The following NOMO1 variants were observed in gnomAD, a reference collection of about 807,000 sequenced individuals.
NOMO1 encodes the protein NODAL modulator 1.
A neutral mutation model predicts 133.8 loss-of-function variants in NOMO1; 40 were observed. The ratio of observed to expected loss-of-function variants is 0.30; its 90% CI spans 0.23 to 0.39. The LOEUF is 0.39. Among genes scored for constraint, NOMO1 ranks in the 10% least tolerant of loss-of-function variants. The pLI, the probability that NOMO1 is intolerant of heterozygous loss-of-function variation, is 1.00. For missense variants in NOMO1, 462 were observed against 1,419.9 expected (o/e 0.33, Z 10.84); for synonymous variants, 236 against 570.5 (o/e 0.41, Z 8.36).
intron 9 of NOMO1, 134 bp from the exon 10 acceptor site, chr16:14,857,083 C>A: frequency 4.8e-6 from 5 of 1,040,754 alleles, no homozygotes; most frequent in Non-Finnish European, 7.4e-6. Flanking sequence ...GCACACAGGA[C>A]CGGGGCACTG....
chr16:14,875,051 T>C lies in NOMO1; in HGVS notation c.2070T>C (p.Ser690=). The change falls in exon 19 of 31, where the codon AGT becomes AGC. Residue 690 remains serine (S), a synonymous_variant. Coordinates refer to ENST00000287667, the MANE Select transcript of NOMO1 (RefSeq NM_014287.4). ...TTTCTTCTAGGTCTTCCATCGACAG[T>C]GAACCCGCCTTGGTCTTAGGCCCTC... The part of the protein sequence containing the change: ...VTVTIKSSID[S]EPALVLGPLK... 1 of 1,613,792 alleles carries C rather than the reference T, an allele frequency of 6.2e-7. No individual in the cohort carries two copies. The highest frequency in any genetic ancestry group is 8.5e-7 in the Non-Finnish European group (1 of 1,179,846).
chr16:14,879,964 T>A, intron 23 of NOMO1, 51 bp from the exon 24 acceptor site: 1 of 1,611,464 alleles, frequency 6.2e-7, no homozygotes, highest in Non-Finnish European at 8.5e-7. Flanking sequence ...CCCTCACTTT[T>A]AAGCCATGCC....
chr16:14,850,090 G>C (rs1404609514), intron 6 of NOMO1, among the ~76,000 whole-genome samples: 1 of 148,494 alleles, frequency 6.7e-6, no homozygotes, highest in Non-Finnish European at 1.5e-5. Context: ...TTTTTTTTGA[G>C]ATGAAGTCTT....
At chr16:14,885,158 A>T in intron 27 of NOMO1, among the ~76,000 whole-genome samples, 1 of 152,104 alleles carries the variant, frequency 6.6e-6, no homozygotes, top group East Asian at 1.9e-4. Flanking sequence ...CAAAGATCCG[A>T]TCATCTCCCA....
intron 9 of NOMO1, among the ~76,000 whole-genome samples, chr16:14,855,940 C>T (rs1189988410): frequency 6.6e-6 from 1 of 151,972 alleles, no homozygotes; most frequent in Non-Finnish European, 1.5e-5. Context: ...GAAGGACTAC[C>T]TGTCATGTGA....
intron 29 of NOMO1, among the ~76,000 whole-genome samples, chr16:14,891,181 A>G (rs1597118149): frequency 6.6e-6 from 1 of 151,876 alleles, no homozygotes; most frequent in South Asian, 2.1e-4. Context: ...CAATTTTTGC[A>G]GGCTTATAGA....
At chr16:14,860,415 T>G (rs1307335101) in intron 11 of NOMO1, among the ~76,000 whole-genome samples, 1 of 149,344 alleles carries the variant, frequency 6.7e-6, no homozygotes, top group Non-Finnish European at 1.5e-5. Context: ...GTGATAGGGA[T>G]CATGGTACTT....
intron 28 of NOMO1, among the ~76,000 whole-genome samples, chr16:14,887,450 C>T (rs1316549728): frequency 1.3e-5 from 2 of 151,924 alleles, no homozygotes; most frequent in Non-Finnish European, 2.9e-5. Context: ...TGTGCCACCA[C>T]ACCCGGCTAA....
intron 7 of NOMO1, chr16:14,853,056 T>C (rs1963783463): frequency 1.1e-5 from 2 of 187,498 alleles, no homozygotes; most frequent in Admixed American, 6.0e-5. Flanking sequence ...CACAAGACAT[T>C]GCACATCTAC....
At chr16:14,882,749 T>G in intron 26 of NOMO1, 72 bp downstream of exon 26, 10 of 1,610,404 alleles carry the variant, frequency 6.2e-6, no homozygotes, top group Non-Finnish European at 8.5e-6. Context: ...CCGTCTCCTC[T>G]GGCTGTCTGC....
At chr16:14,884,520 C>T (rs1218616276) in intron 27 of NOMO1, 38 bp downstream of exon 27, 1 of 1,611,176 alleles carries the variant, frequency 6.2e-7, no homozygotes, top group South Asian at 1.1e-5. Flanking sequence ...ATTGTGTTCC[C>T]TTTGGCTTTG....
intron 14 of NOMO1, 29 bp from the exon 15 acceptor site, chr16:14,866,526 G>C: frequency 6.2e-7 from 1 of 1,610,280 alleles, no homozygotes; most frequent in Non-Finnish European, 8.5e-7. Flanking sequence ...CCACGCCCAT[G>C]TATCCGTTTT....
chr16:14,886,176 C>T (rs1340013582), intron 27 of NOMO1, among the ~76,000 whole-genome samples: 7 of 151,822 alleles, frequency 4.6e-5, no homozygotes, highest in Admixed American at 3.3e-4. Context: ...ACTCCAGTGC[C>T]TCCTGAAGCA....
rs1963966642 is a variant in NOMO1, at chr16:14,864,684, G to A, written c.1495G>A (p.Val499Ile). The A allele has an allele frequency of 6.2e-7, 1 of 1,613,190 alleles. No individual in the cohort carries two copies. The highest frequency in any genetic ancestry group is 8.5e-7 in the Non-Finnish European group (1 of 1,179,728). ...TNRPMMDVAFVQFLASVSGKV... is the reference protein window; with the variant it reads ...TNRPMMDVAFIQFLASVSGKV... The stretch of plus-strand genomic sequence containing the variant: ...CAGGCCCATGATGGATGTGGCCTTT[G>A]TACAGTTCTTGGCATCAGTTTCTGG... The change falls in exon 13 of 31, where the codon GTA becomes ATA. Residue 499 changes from valine (V) to isoleucine (I), a missense_variant. Val to Ile is a conservative substitution (Grantham distance 29, BLOSUM62 3). Transcript: ENST00000287667.
rs1964492659 is a variant in NOMO1, at chr16:14,895,902, TTTA to T, written c.*266_*268del. The stretch of plus-strand genomic sequence containing the variant: ...AATTTATTTTCTGAGTCAAATATAA[TTTA>T]TTATTATTTTTGTCAAAGAAGTATT... On this transcript the variant is annotated 3_prime_UTR_variant, in exon 31 of 31. Coordinates refer to ENST00000287667, the MANE Select transcript of NOMO1 (RefSeq NM_014287.4). 1.3e-5 allele frequency: 21 copies of T among 1,575,154 alleles called. No individual in the cohort carries two copies. The highest frequency in any genetic ancestry group is 6.9e-5 in the East Asian group (3 of 43,480).
At position 14,838,297 on chromosome 16, in the gene NOMO1, A is replaced by G. The variant is rs896012636; in HGVS notation, c.166-110A>G. On this transcript the variant is annotated intron_variant, in intron 1 of 30. Transcript: ENST00000287667. The stretch of plus-strand genomic sequence containing the variant: ...AATGCCCCGTGTTAAAAGCTGGCAT[A>G]TAATAGGTCCTCAGTGAATGTATAC... 203 of 1,122,176 alleles carry G rather than the reference A, an allele frequency of 1.8e-4. 2 individuals carry two copies. The highest frequency in any genetic ancestry group is 2.4e-4 in the Non-Finnish European group (184 of 771,852). The allele number at this position is 1,122,176 out of a possible 1,614,324, so 69.5% of individuals were successfully genotyped here. A position where few individuals can be genotyped will look rare whatever the true frequency, so the allele number is the denominator to read the frequency against.
intron 24 of NOMO1, among the ~76,000 whole-genome samples, 185 bp from the exon 25 acceptor site, chr16:14,881,359 C>T (rs1964239807): frequency 1.3e-5 from 2 of 151,980 alleles, no homozygotes; most frequent in South Asian, 4.1e-4. Context: ...AAATTGATGG[C>T]AGCTTATCCC....
chr16:14,837,061 A>C (rs980090898), intron 1 of NOMO1, among the ~76,000 whole-genome samples: 3 of 151,422 alleles, frequency 2.0e-5, no homozygotes, highest in African/African-American at 7.3e-5. Flanking sequence ...ACTGTTGCTC[A>C]GGCTGGAGTA....
intron 24 of NOMO1, 145 bp from the exon 25 acceptor site, chr16:14,881,399 G>C: frequency 6.3e-7 from 1 of 1,582,450 alleles, no homozygotes; most frequent in Non-Finnish European, 8.6e-7. Flanking sequence ...TTGGAAGTGG[G>C]CCGGCCACAC....
Sources: allele counts gnomAD v4.1 joint callset (sites outside exome capture counted in the v4.1 genomes callset), GRCh38; gene constraint gnomAD v4.1.1; transcripts MANE v1.5; gene names NCBI Gene and HGNC (gene_info 2026-07-23, HGNC 2026-07-21).